The following PODN variants were observed in gnomAD, a reference collection of about 807,000 sequenced individuals.
The protein encoded by PODN is podocan.
Under a neutral mutation model 52.7 loss-of-function variants are expected in PODN, and 40 were observed. That is an observed-to-expected ratio of 0.76 (90% CI 0.59 to 0.99). The LOEUF is 0.99. Among genes scored for constraint, PODN ranks in the 50% least tolerant of loss-of-function variants. The pLI, the probability that PODN is intolerant of heterozygous loss-of-function variation, is 0.00. For synonymous variants in PODN, 396 were observed against 377.9 expected, an observed-to-expected ratio of 1.05 and a Z score of -0.56; for missense variants, 720 against 815.1, an observed-to-expected ratio of 0.88 and a Z score of 1.42.
intron 3 of PODN, among the ~76,000 whole-genome samples, chr1:53,071,843 A>C (rs1007721908): frequency 4.0e-5 from 6 of 151,580 alleles, no homozygotes; most frequent in South Asian, 2.1e-4. Flanking sequence ...CTACACGGAT[A>C]TTTCTTTCTT....
At chr1:53,080,508 G>A (rs532121058) in intron 8 of PODN, among the ~76,000 whole-genome samples, 1 of 152,308 alleles carries the variant, frequency 6.6e-6, no homozygotes, top group South Asian at 2.1e-4. Flanking sequence ...GGCACACCCG[G>A]CTACAGCCTT....
intron 1 of PODN, among the ~76,000 whole-genome samples, chr1:53,065,430 G>C (rs572409482): frequency 6.6e-6 from 1 of 152,138 alleles, no homozygotes; most frequent in African/African-American, 2.4e-5. Context: ...CGGCAAACCA[G>C]GTAGTAGGGC....
At chr1:53,068,909 C>A (rs777595279) in intron 1 of PODN, among the ~76,000 whole-genome samples, 1 of 152,148 alleles carries the variant, frequency 6.6e-6, no homozygotes, top group African/African-American at 2.4e-5. Flanking sequence ...TGGTCTCTGG[C>A]AGGTGGCAGT....
chr1:53,063,595 G>A, intron 1 of PODN: 2 of 985,036 alleles, frequency 2.0e-6, no homozygotes, highest in African/African-American at 1.7e-5. Flanking sequence ...ACTGCCCTGG[G>A]AAAGACCAGG....
intron 1 of PODN, among the ~76,000 whole-genome samples, chr1:53,067,191 G>T (rs1313410819): frequency 6.6e-6 from 1 of 152,140 alleles, no homozygotes; most frequent in African/African-American, 2.4e-5. Context: ...GGAAGCTGCA[G>T]GTGTGCCGGG....
chr1:53,078,495 C>G lies in PODN; in HGVS notation c.985C>G (p.Leu329Val). The G allele has an allele frequency of 3.1e-6, 5 of 1,613,358 alleles. No homozygotes were observed. The highest frequency in any genetic ancestry group is 4.2e-6 in the Non-Finnish European group (5 of 1,180,046). The change falls in exon 8 of 11, where the codon CTG (leucine) becomes GTG (valine). Residue 329 changes from leucine (L) to valine (V), a missense_variant. By Grantham distance (32) the Leu-to-Val change is conservative (BLOSUM62 1). Transcript: ENST00000312553. ...CATCCGGAGCGTGGACGCGAATGTG[C>G]TGACCCCCATCCGCAGCCTGGAGTA... ...NAIRSVDANVLTPIRSLEYLL... is the reference protein window; with the variant it reads ...NAIRSVDANVVTPIRSLEYLL...
chr1:53,085,397 G>A lies in PODN; in HGVS notation c.*912G>A, dbSNP rs1644348515. 1 of 152,212 alleles carries A rather than the reference G, an allele frequency of 6.6e-6. No individual in the cohort carries two copies. The highest frequency in any genetic ancestry group is 1.5e-5 in the Non-Finnish European group (1 of 68,036). 9.4% of individuals were successfully genotyped at this position (152,212 alleles called of 1,614,324 possible). On this transcript the variant is annotated 3_prime_UTR_variant, in exon 11 of 11. Coordinates refer to ENST00000312553, the MANE Select transcript of PODN (RefSeq NM_153703.5). ...CAGGCCTGTGGGGGAAGTTCCGGGT[G>A]CCTTTATTTTTTATTCTTTTCTAAG...
In PODN at chr1:53,069,975, C is replaced by T. The variant is rs781314720; in HGVS notation, c.120C>T (p.Pro40=). Reference sequence around the variant, plus strand: ...GAAGTGGCGGCCACAGCCTGAGCCCCGAAGAGAACGAATTTGCGGAGGAGG... The same window carrying T: ...GAAGTGGCGGCCACAGCCTGAGCCCTGAAGAGAACGAATTTGCGGAGGAGG... ...FGRSGGHSLS[P]EENEFAEEEP... The change falls in exon 2 of 11, where the codon CCC becomes CCT. Residue 40 remains proline, a synonymous_variant. Coordinates refer to ENST00000312553, the MANE Select transcript of PODN (RefSeq NM_153703.5). 2.4e-5 allele frequency: 38 copies of T among 1,608,998 alleles called. No individual in the cohort carries two copies. The highest frequency in any genetic ancestry group is 3.3e-5 in the South Asian group (3 of 90,578).
intron 10 of PODN, among the ~76,000 whole-genome samples, 162 bp from the exon 11 acceptor site, chr1:53,084,351 G>T (rs369688404): frequency 6.6e-6 from 1 of 151,344 alleles, no homozygotes; most frequent in Non-Finnish European, 1.5e-5. Context: ...CTGGCACCCC[G>T]CTGGCTCTGG....
At chr1:53,074,374 G>A (rs558427288) in intron 3 of PODN, among the ~76,000 whole-genome samples, 23 of 152,360 alleles carry the variant, frequency 1.5e-4, no homozygotes, top group African/African-American at 3.8e-4. Context: ...CACTCAGAGC[G>A]AGGAGTTAGT....
intron 1 of PODN, 129 bp downstream of exon 1, chr1:53,062,437 C>G (rs1474922870): frequency 1.6e-6 from 1 of 632,642 alleles, no homozygotes; most frequent in African/African-American, 1.9e-5. Context: ...ATCTCACCCC[C>G]TCTGTAGGAC....
In PODN at chr1:53,069,720, C is replaced by A. The variant is rs147360243; in HGVS notation, c.-55-81C>A. 151 of 1,498,532 alleles carry A rather than the reference C, an allele frequency of 1.0e-4. No homozygotes were observed. The East Asian group carries it at 3.6e-3, about 36-fold the overall frequency. 92.8% of individuals were successfully genotyped at this position (1,498,532 alleles called of 1,614,324 possible). A position where few individuals can be genotyped will look rare whatever the true frequency, so the allele number is the denominator to read the frequency against. On this transcript the variant is annotated intron_variant, in intron 1 of 10. Transcript: ENST00000312553. Reference sequence around the variant, plus strand: ...TCATCGGCTGGGCTCTGAGGACAGTCCAGAGTGGGCCCTGCTTTGTGCTCG... The same window carrying A: ...TCATCGGCTGGGCTCTGAGGACAGTACAGAGTGGGCCCTGCTTTGTGCTCG...
chr1:53,076,215 G>A (rs1323917498), intron 5 of PODN, among the ~76,000 whole-genome samples: 3 of 152,218 alleles, frequency 2.0e-5, no homozygotes, highest in Admixed American at 6.5e-5. Context: ...CAGCCCCTGG[G>A]GAAGGGGAGC....
intron 3 of PODN, 52 bp downstream of exon 3, chr1:53,071,680 G>C: frequency 6.5e-6 from 10 of 1,532,662 alleles, no homozygotes; most frequent in Non-Finnish European, 9.0e-6. Flanking sequence ...GGGCCTTGGG[G>C]GCCTGAACGA....
intron 1 of PODN, among the ~76,000 whole-genome samples, chr1:53,065,160 C>T (rs1187119704): frequency 1.3e-5 from 2 of 152,208 alleles, no homozygotes; most frequent in African/African-American, 4.8e-5. Flanking sequence ...CAAGAACAGC[C>T]TGGGCAACAT....
At chr1:53,069,650 G>C (rs531925167) in intron 1 of PODN, 151 bp from the exon 2 acceptor site, 18 of 1,189,948 alleles carry the variant, frequency 1.5e-5, no homozygotes, top group Non-Finnish European at 2.0e-5. Context: ...CGCCTCTGGA[G>C]GGCAGCCTGG....
Position 53,081,991 on chromosome 1 carries a change from C to A in PODN, c.1672C>A (p.Leu558Met). Reference protein sequence around the residue: ...LKGIFLRFNKLAVGSVVDSAF... With the variant: ...LKGIFLRFNKMAVGSVVDSAF... The stretch of plus-strand genomic sequence containing the variant: ...TCGATGCTCACACAGGTTTAACAAG[C>A]TGGCTGTGGGCTCCGTGGTGGACAG... Residue 558 changes from leucine to methionine, a missense_variant, in exon 10 of 11, where the codon CTG (leucine) becomes ATG (methionine). Physicochemically the swap from Leu to Met is conservative, Grantham distance 15. Coordinates refer to ENST00000312553, the MANE Select transcript of PODN (RefSeq NM_153703.5). 1 of 1,599,622 alleles carries A rather than the reference C, an allele frequency of 6.3e-7. No individual in the cohort carries two copies. Among genetic ancestry groups the A allele is most frequent in the Non-Finnish European group, 8.5e-7 (1 of 1,171,598 alleles).
chr1:53,067,788 C>A (rs1320369474), intron 1 of PODN, among the ~76,000 whole-genome samples: 1 of 151,972 alleles, frequency 6.6e-6, no homozygotes, highest in Non-Finnish European at 1.5e-5. Context: ...CGGTTGTGAC[C>A]CCCTATAGTC....
chr1:53,072,674 C>A (rs564170893), intron 3 of PODN, among the ~76,000 whole-genome samples: 1 of 152,356 alleles, frequency 6.6e-6, no homozygotes, highest in African/African-American at 2.4e-5. Flanking sequence ...TTTCCCTAGA[C>A]GTCCCTGTCT....
Sources: allele counts gnomAD v4.1 joint callset (sites outside exome capture counted in the v4.1 genomes callset), GRCh38; gene constraint gnomAD v4.1.1; transcripts MANE v1.5; gene names NCBI Gene and HGNC (gene_info 2026-07-23, HGNC 2026-07-21).